The following ZNF585A variants were observed in gnomAD, a reference collection of about 807,000 sequenced individuals.
ZNF585A encodes the protein zinc finger protein 585A.
ZNF585A carries 9 observed loss-of-function variants against 14.9 expected under a neutral mutation model. That is an observed-to-expected ratio of 0.60 (90% CI 0.36 to 1.05). The LOEUF is 1.05. Among genes scored for constraint, ZNF585A ranks in the 50% least tolerant of loss-of-function variants. ZNF585A has a pLI of 0.01. For missense variants in ZNF585A, 726 were observed against 926.4 expected, an observed-to-expected ratio of 0.78 and a Z score of 2.81; for synonymous variants, 276 against 319.9, an observed-to-expected ratio of 0.86 and a Z score of 1.46.
rs577208960 is a variant in ZNF585A, at chr19:37,147,788, A to G, written c.*3801T>C. 1 of 152,342 alleles carries G rather than the reference A, an allele frequency of 6.6e-6. No homozygotes were observed. Among genetic ancestry groups the G allele is most frequent in the South Asian group, 2.1e-4 (1 of 4,830 alleles). 9.4% of individuals were successfully genotyped at this position (152,342 alleles called of 1,614,324 possible). A position where few individuals can be genotyped will look rare whatever the true frequency, so the allele number is the denominator to read the frequency against. On this transcript the variant is annotated 3_prime_UTR_variant, in exon 5 of 5. Coordinates refer to ENST00000292841, the MANE Select transcript of ZNF585A (RefSeq NM_001288800.2). ...TCTTTTATCAAATGTAATTCAAGTT[A>G]TCACATGGTTTACCTAAAATACAAC... is the stretch of plus-strand genomic sequence containing the variant.
intron 4 of ZNF585A, among the ~76,000 whole-genome samples, chr19:37,154,871 CAG>C (rs1218517740): frequency 6.6e-6 from 1 of 150,732 alleles, no homozygotes; most frequent in East Asian, 2.0e-4. Context: ...GTGGGTGACA[CAG>C]AGTAACTTTG....
Position 37,149,544 on chromosome 19 carries a change from C to T in ZNF585A, c.*2045G>A. The T allele has an allele frequency of 6.6e-6, 1 of 152,140 alleles. No individual in the cohort carries two copies. The highest frequency in any genetic ancestry group is 1.5e-5 in the Non-Finnish European group (1 of 68,030). The allele number at this position is 152,140 out of a possible 1,614,324, so 9.4% of individuals were successfully genotyped here. On this transcript the variant is annotated 3_prime_UTR_variant, in exon 5 of 5. Coordinates refer to ENST00000292841, the MANE Select transcript of ZNF585A (RefSeq NM_001288800.2). ...GGGCCCTGCTGGCTTGGATCCCATC[C>T]ATCATGTGACCCAAAAAAAGTCACT...
Position 37,148,700 on chromosome 19 carries a change from A to G in ZNF585A, c.*2889T>C, listed in dbSNP as rs913591719. On this transcript the variant is annotated 3_prime_UTR_variant, in exon 5 of 5. Coordinates refer to ENST00000292841, the MANE Select transcript of ZNF585A (RefSeq NM_001288800.2). ...TTAAAAATATTTCAGTTATGTCCAC[A>G]CAAAAAGCCTGCACAGATATTTATA... is the stretch of plus-strand genomic sequence containing the variant. 6 of 152,228 alleles carry G rather than the reference A, an allele frequency of 3.9e-5. No individual in the cohort carries two copies. Among genetic ancestry groups the G allele is most frequent in the Admixed American group, 2.6e-4 (4 of 15,282 alleles). The allele number at this position is 152,228 out of a possible 1,614,324, so 9.4% of individuals were successfully genotyped here.
At chr19:37,154,556 G>A (rs16972024) in intron 4 of ZNF585A, among the ~76,000 whole-genome samples, 16,760 of 151,874 alleles carry the variant, frequency 0.11, 1,721 homozygotes, top group African/African-American at 0.27. Context: ...CAACAAAAAC[G>A]AACCCTGGTC....
chr19:37,164,848 T>C (rs781483505), intron 2 of ZNF585A, among the ~76,000 whole-genome samples: 43 of 152,100 alleles, frequency 2.8e-4, no homozygotes, highest in Middle Eastern at 3.2e-3. Context: ...AATTTTGGTT[T>C]TTGTTGTAGA....
intron 2 of ZNF585A, 106 bp from the exon 3 acceptor site, chr19:37,156,461 T>C: frequency 7.1e-7 from 1 of 1,398,844 alleles, no homozygotes; most frequent in Non-Finnish European, 9.5e-7. Context: ...ATTTACATTC[T>C]CTTTTTAAAA....
chr19:37,169,720 T>C lies in ZNF585A; in HGVS notation c.72+119A>G, dbSNP rs922254714. 6.8e-6 allele frequency: 8 copies of C among 1,170,036 alleles called. No homozygotes were observed. The African/African-American group carries it at 1.2e-4, about 18-fold the overall frequency. The allele number at this position is 1,170,036 out of a possible 1,614,324, so 72.5% of individuals were successfully genotyped here. On this transcript the variant is annotated intron_variant, in intron 2 of 4. Transcript: ENST00000292841. ...AGATTTGTTTCAGGAGCAGCAGGTCTAGAGTCCAGCTGCTTCCTGTGGCCC... is the reference window on the plus strand; with the variant it reads ...AGATTTGTTTCAGGAGCAGCAGGTCCAGAGTCCAGCTGCTTCCTGTGGCCC...
At chr19:37,156,011 C>G in intron 3 of ZNF585A, 54 bp from the exon 4 acceptor site, 1 of 1,609,410 alleles carries the variant, frequency 6.2e-7, no homozygotes, top group Non-Finnish European at 8.5e-7. Context: ...TTTCAGGGCC[C>G]AACCAATAAT....
At position 37,153,081 on chromosome 19, in the gene ZNF585A, A is replaced by G. The variant is rs771575283; in HGVS notation, c.818T>C (p.Ile273Thr). Reference protein sequence around the residue: ...IHTGERSYICIECGQAFIQKT... With the variant: ...IHTGERSYICTECGQAFIQKT... ...CTGGATGAAGGCCTGTCCGCATTCA[A>G]TACAGATGTAGGATCTCTCGCCTGT... Residue 273 changes from isoleucine to threonine, a missense_variant, in exon 5 of 5, where the codon ATT (isoleucine) becomes ACT (threonine). By Grantham distance (89) the Ile-to-Thr change is moderately conservative (BLOSUM62 -1). Around this residue, in one of 2 missense-constraint regions of ZNF585A, gnomAD observed 483 missense variants for 542.8 expected, o/e 0.89. Transcript: ENST00000292841. 3.1e-6 allele frequency: 5 copies of G among 1,614,170 alleles called. No homozygotes were observed. In the Admixed American group the frequency reaches 8.3e-5, roughly 27 times the overall value.
intron 2 of ZNF585A, among the ~76,000 whole-genome samples, chr19:37,166,730 C>G (rs1972097396): frequency 6.6e-6 from 1 of 151,808 alleles, no homozygotes; most frequent in Non-Finnish European, 1.5e-5. Context: ...CTGTCAAACT[C>G]ATACCTTAGG....
At chr19:37,166,965 C>T (rs934908646) in intron 2 of ZNF585A, among the ~76,000 whole-genome samples, 1 of 152,008 alleles carries the variant, frequency 6.6e-6, no homozygotes, top group African/African-American at 2.4e-5. Context: ...TCCTAAGTAG[C>T]TGGGACTACA....
intron 2 of ZNF585A, among the ~76,000 whole-genome samples, chr19:37,157,914 A>C (rs1450019072): frequency 1.3e-5 from 2 of 149,882 alleles, no homozygotes; most frequent in Non-Finnish European, 1.5e-5. Flanking sequence ...TTTAGACAAA[A>C]GTCTCACTCT....
At chr19:37,156,066 A>T (rs780504026) in intron 3 of ZNF585A, 109 bp from the exon 4 acceptor site, 1 of 1,565,558 alleles carries the variant, frequency 6.4e-7, no homozygotes, top group Non-Finnish European at 8.7e-7. Flanking sequence ...AAGTAACCAT[A>T]ACTTTTCAGG....
intron 2 of ZNF585A, among the ~76,000 whole-genome samples, chr19:37,166,316 C>CT (rs112585283): frequency 0.18 from 22,750 of 127,164 alleles, 4,015 homozygotes; most frequent in African/African-American, 0.46. Flanking sequence ...GCTGCCCAGT[C>CT]TTTTTTTTTT....
In ZNF585A at chr19:37,164,776, G is replaced by A. The variant is rs117933505; in HGVS notation, c.72+5063C>T. ...ACTGCAGCCTTGACAGGCTCAAGCC[G>A]TCCTCCAATCTCAGCCTCCCAAGTA... is the stretch of plus-strand genomic sequence containing the variant. On this transcript the variant is annotated intron_variant, in intron 2 of 4. Transcript: ENST00000292841. Among the ~76,000 whole-genome samples, 949 of 152,174 alleles carry A rather than the reference G, an allele frequency of 6.2e-3. 27 individuals are homozygous for A. The highest frequency in any genetic ancestry group is 0.052 in the East Asian group (267 of 5,148).
rs3050605 is a variant in ZNF585A, at chr19:37,146,949, ATG to A, written c.*4638_*4639del. On this transcript the variant is annotated 3_prime_UTR_variant, in exon 5 of 5. Coordinates refer to ENST00000292841, the MANE Select transcript of ZNF585A (RefSeq NM_001288800.2). ...ACCCACCCCACCAACTTCCCCACAC[ATG>A]TTACCAATCTGTGCGGGGCATCTGG... 0.4 allele frequency: 46,165 copies of A among 114,356 alleles called. 7,343 individuals carry two copies. Among genetic ancestry groups the A allele is most frequent in the Middle Eastern group, 0.45 (91 of 202 alleles). 7.1% of individuals were successfully genotyped at this position (114,356 alleles called of 1,614,324 possible). A position where few individuals can be genotyped will look rare whatever the true frequency, so the allele number is the denominator to read the frequency against.
Position 37,156,015 on chromosome 19 carries a change from C to G in ZNF585A, c.200-58G>C, listed in dbSNP as rs1268298259. 7 of 1,608,146 alleles carry G rather than the reference C, an allele frequency of 4.4e-6. No individual in the cohort carries two copies. In the African/African-American group the frequency reaches 5.4e-5, roughly 12 times the overall value. ...AGCTAATTGTGTTTCAGGGCCCAAC[C>G]AATAATCTCTTATTCTTTGATGAGG... On this transcript the variant is annotated intron_variant, in intron 3 of 4. Coordinates refer to ENST00000292841, the MANE Select transcript of ZNF585A (RefSeq NM_001288800.2).
At position 37,152,291 on chromosome 19, in the gene ZNF585A, G is replaced by T. The variant is rs765099563; in HGVS notation, c.1608C>A (p.His536Gln). The T allele has an allele frequency of 6.2e-7, 1 of 1,614,084 alleles. No homozygotes were observed. The highest frequency in any genetic ancestry group is 8.5e-7 in the Non-Finnish European group (1 of 1,180,014). ...TGTGAATTTTCTGATGTATATTGAG[G>T]TGTGACTTCTGAGTGAAGGCTTTTC... ...TCGKAFTQKS[H>Q]LNIHQKIHTG... The change falls in exon 5 of 5, where the codon CAC becomes CAA. Residue 536 changes from histidine to glutamine, a missense_variant. Around this residue, in one of 2 missense-constraint regions of ZNF585A, gnomAD observed 243 missense variants for 383.6 expected, o/e 0.63. Coordinates refer to ENST00000292841, the MANE Select transcript of ZNF585A (RefSeq NM_001288800.2).
At position 37,152,245 on chromosome 19, in the gene ZNF585A, A is replaced by G. The variant is rs1168204709; in HGVS notation, c.1654T>C (p.Cys552Arg). The G allele has an allele frequency of 8.7e-6, 14 of 1,614,002 alleles. No homozygotes were observed. Among genetic ancestry groups the G allele is most frequent in the African/African-American group, 1.3e-5 (1 of 74,898 alleles). ...KIHTGERQYECHECGKAFNQK... is the reference protein window; with the variant it reads ...KIHTGERQYERHECGKAFNQK... ...TTGAAGGCTTTCCCACATTCGTGGCATTCATACTGTCTCTCTCCAGTGTGA... is the reference window on the plus strand; with the variant it reads ...TTGAAGGCTTTCCCACATTCGTGGCGTTCATACTGTCTCTCTCCAGTGTGA... The change falls in exon 5 of 5, where the codon TGC becomes CGC. Residue 552 changes from cysteine to arginine, a missense_variant. By Grantham distance (180) the Cys-to-Arg change is radical (BLOSUM62 -3). This residue lies in a region of ZNF585A where 243 missense variants were observed against 383.6 expected (regional missense o/e 0.63). Transcript: ENST00000292841.
Sources: gnomAD v4.1 joint callset for allele counts (sites outside exome capture counted in the v4.1 genomes callset) on GRCh38, gnomAD v4.1.1 for gene constraint, gnomAD v4.1.1 regional missense constraint, MANE v1.5 for transcripts, NCBI Gene and HGNC (gene_info 2026-07-23, HGNC 2026-07-21) for gene names.